The following GRIK4 variants were observed in gnomAD, a reference collection of about 807,000 sequenced individuals.
GRIK4 encodes the protein glutamate ionotropic receptor kainate type subunit 4.
In GRIK4, 40 loss-of-function variants were observed where a neutral mutation model predicts 104.9. The observed-to-expected ratio is 0.38, with a 90% CI of 0.30 to 0.50. The LOEUF is 0.50. Ranked by LOEUF, GRIK4 falls within the 20% of genes least tolerant of loss-of-function variation. The pLI, the probability that GRIK4 is intolerant of heterozygous loss-of-function variation, is 0.93. For missense variants in GRIK4, 1,047 were observed against 1,308.1 expected, an observed-to-expected ratio of 0.80 and a Z score of 3.08; for synonymous variants, 485 against 524.9, an observed-to-expected ratio of 0.92 and a Z score of 1.04.
At chr11:120,796,412 A>G (rs561249877) in intron 3 of GRIK4, among the ~76,000 whole-genome samples, 302 of 152,252 alleles carry the variant, frequency 2.0e-3, no homozygotes, top group African/African-American at 6.9e-3. Context: ...TGGATTATAC[A>G]AGCAGTTGAG....
chr11:120,836,020 G>T (rs752739735), intron 7 of GRIK4, among the ~76,000 whole-genome samples: 2 of 152,176 alleles, frequency 1.3e-5, no homozygotes, highest in South Asian at 4.1e-4. Context: ...TGTTTCCGAC[G>T]TCACTGCAGA....
Position 120,862,035 on chromosome 11 carries a change from C to G in GRIK4, c.821C>G (p.Ser274Cys). ...CTGGGATTTTCCATTTTCAACCAAT[C>G]CCATGCTTTCTTCCAAGAGTTTGCC... ...NILGFSIFNQ[S>C]HAFFQEFAQS... is the part of the protein sequence containing the mutation. Residue 274 changes from serine (S) to cysteine (C), a missense_variant, in exon 9 of 21, where the codon TCC becomes TGC. Ser to Cys is a moderately radical substitution (Grantham distance 112). Transcript: ENST00000527524. The G allele has an allele frequency of 6.2e-7, 1 of 1,613,782 alleles. No homozygotes were observed. The highest frequency in any genetic ancestry group is 8.5e-7 in the Non-Finnish European group (1 of 1,179,646).
intron 14 of GRIK4, among the ~76,000 whole-genome samples, chr11:120,946,669 A>G (rs1023943055): frequency 3.3e-5 from 5 of 152,308 alleles, no homozygotes; most frequent in Admixed American, 2.6e-4. Flanking sequence ...GGAAGCAGGT[A>G]GTATGATTCT....
intron 3 of GRIK4, among the ~76,000 whole-genome samples, chr11:120,772,434 C>T (rs1168548281): frequency 6.6e-6 from 1 of 152,142 alleles, no homozygotes; most frequent in Non-Finnish European, 1.5e-5. Context: ...GCATGCTAGG[C>T]TCTGTAGTAA....
intron 1 of GRIK4, among the ~76,000 whole-genome samples, chr11:120,556,179 C>A (rs2136098976): frequency 6.6e-6 from 1 of 152,192 alleles, no homozygotes; most frequent in South Asian, 2.1e-4. Context: ...ATCAGTGTCC[C>A]CCGGCCCCTG....
At chr11:120,716,558 T>C (rs986179291) in intron 3 of GRIK4, among the ~76,000 whole-genome samples, 2 of 152,172 alleles carry the variant, frequency 1.3e-5, no homozygotes, top group African/African-American at 4.8e-5. Flanking sequence ...TCTATGTGAA[T>C]TGAGTGACTG....
chr11:120,627,628 C>T (rs7928123), intron 1 of GRIK4, among the ~76,000 whole-genome samples: 70,033 of 151,714 alleles, frequency 0.46, 16,740 homozygotes, highest in African/African-American at 0.59. Context: ...CCTGCTGGGG[C>T]AAAACTGTCA....
chr11:120,527,234 G>A (rs1452750813), intron 1 of GRIK4, among the ~76,000 whole-genome samples: 5 of 152,218 alleles, frequency 3.3e-5, no homozygotes, highest in African/African-American at 1.2e-4. Flanking sequence ...CCCCTGCTGG[G>A]GTCCTGCCAG....
rs535384890 is a variant in GRIK4, at chr11:120,940,745, C to G, written c.1590+285C>G. Among the ~76,000 whole-genome samples, 1 of 152,188 alleles carries G rather than the reference C, an allele frequency of 6.6e-6. No individual in the cohort carries two copies. Among genetic ancestry groups the G allele is most frequent in the African/African-American group, 2.4e-5 (1 of 41,516 alleles). On this transcript the variant is annotated intron_variant, in intron 14 of 20. Coordinates refer to ENST00000527524, the MANE Select transcript of GRIK4 (RefSeq NM_014619.5). The surrounding 1 kb of genome is among the most constrained non-coding windows in gnomAD (Gnocchi z 4.3). Reference sequence around the variant, plus strand: ...GGTGGATCCTGTGTTGGTGATTGGCCCCATGGGTCACTTTGCTCCCTTGCC... The same window carrying G: ...GGTGGATCCTGTGTTGGTGATTGGCGCCATGGGTCACTTTGCTCCCTTGCC...
chr11:120,609,473 T>A (rs530508944), intron 1 of GRIK4, among the ~76,000 whole-genome samples: 18 of 150,084 alleles, frequency 1.2e-4, no homozygotes, highest in African/African-American at 3.4e-4. Flanking sequence ...CCTACCTTTG[T>A]TTTTCCCTCT....
intron 3 of GRIK4, among the ~76,000 whole-genome samples, chr11:120,763,244 T>TA (rs1253807781): frequency 6.6e-6 from 1 of 152,238 alleles, no homozygotes; most frequent in East Asian, 1.9e-4. Flanking sequence ...GAGGTGTTTA[T>TA]AGTATTCTCT....
chr11:120,843,609 C>T (rs1953777182), intron 8 of GRIK4, among the ~76,000 whole-genome samples: 1 of 152,226 alleles, frequency 6.6e-6, no homozygotes, highest in African/African-American at 2.4e-5. Flanking sequence ...GCAGGAGACA[C>T]AGTTTTATCC....
intron 3 of GRIK4, among the ~76,000 whole-genome samples, chr11:120,766,051 C>T (rs558149143): frequency 1.8e-3 from 274 of 152,356 alleles, no homozygotes; most frequent in Non-Finnish European, 2.9e-3. Context: ...GTTGTGCCCA[C>T]AGCCGCCCCT....
At chr11:120,836,087 A>G (rs746867503) in intron 7 of GRIK4, among the ~76,000 whole-genome samples, 3 of 152,202 alleles carry the variant, frequency 2.0e-5, no homozygotes, top group African/African-American at 7.2e-5. Context: ...GTTGATTTGC[A>G]TTGCTACAAC....
chr11:120,840,531 T>A (rs1424589956), intron 8 of GRIK4, among the ~76,000 whole-genome samples: 1 of 152,042 alleles, frequency 6.6e-6, no homozygotes, highest in Admixed American at 6.6e-5. Context: ...CGTGAGAACT[T>A]GACAGGTAAA....
At chr11:120,698,053 G>A (rs1950484569) in intron 3 of GRIK4, among the ~76,000 whole-genome samples, 1 of 152,096 alleles carries the variant, frequency 6.6e-6, no homozygotes. Flanking sequence ...GTGCCAAGAG[G>A]TGTCCCCCCT....
At chr11:120,600,579 A>G (rs1948872055) in intron 1 of GRIK4, among the ~76,000 whole-genome samples, 1 of 152,172 alleles carries the variant, frequency 6.6e-6, no homozygotes, top group Non-Finnish European at 1.5e-5. Context: ...GGACTGGAGG[A>G]GATCCTAGCC....
chr11:120,971,743 C>G (rs1257701736), intron 19 of GRIK4, among the ~76,000 whole-genome samples: 3 of 152,162 alleles, frequency 2.0e-5, no homozygotes, highest in Non-Finnish European at 2.9e-5. Flanking sequence ...GTGGAATGGT[C>G]AGGGAAGGCT....
chr11:120,824,157 T>C (rs1367254519), intron 6 of GRIK4, among the ~76,000 whole-genome samples: 1 of 152,232 alleles, frequency 6.6e-6, no homozygotes, highest in Non-Finnish European at 1.5e-5. Context: ...ACTCTCTTCC[T>C]TCCCAAAAGT....
Sources: gnomAD v4.1 joint callset for allele counts (sites outside exome capture counted in the v4.1 genomes callset) on GRCh38, gnomAD v4.1.1 for gene constraint, Gnocchi (gnomAD v3.1) non-coding constraint, MANE v1.5 for transcripts, NCBI Gene and HGNC (gene_info 2026-07-23, HGNC 2026-07-21) for gene names.